Variants in MSN observed in about 807,000 individuals in gnomAD.
MSN encodes epididymis luminal protein 70.
A neutral mutation model predicts 48.0 loss-of-function variants in MSN; 2 were observed. The ratio of observed to expected loss-of-function variants is 0.04; its 90% CI spans 0.02 to 0.13. The LOEUF is 0.13. MSN is among the 10% of genes least tolerant of loss of function. MSN has a pLI of 1.00. For synonymous variants in MSN, 146 were observed against 166.9 expected, an observed-to-expected ratio of 0.87 and a Z score of 0.97; for missense variants, 267 against 470.1, an observed-to-expected ratio of 0.57 and a Z score of 3.99.
intron 1 of MSN, among the ~76,000 whole-genome samples, chrX:65,636,686 G>A (rs1464070992): frequency 5.5e-5 from 5 of 90,392 alleles, no homozygotes; most frequent in Admixed American, 1.3e-4. Flanking sequence ...GGCGGAAGCT[G>A]TAGTGAGCCG....
chrX:65,667,815 G>A lies in MSN; in HGVS notation c.-27G>A, dbSNP rs749265298. ...TGCCCGACAGTCCTAGCTAAACTTC[G>A]CCAACTCCGCTGCCTTTGCCGCCAC... On this transcript the variant is annotated 5_prime_UTR_variant, in exon 1 of 13. Coordinates refer to ENST00000360270, the MANE Select transcript of MSN (RefSeq NM_002444.3). 7.4e-6 allele frequency: 9 copies of A among 1,208,986 alleles called. No homozygotes were observed. Among genetic ancestry groups the A allele is most frequent in the South Asian group, 1.8e-5 (1 of 56,638 alleles).
chrX:65,739,810 C>T lies in MSN; in HGVS notation c.1651C>T (p.Leu551=). 8.3e-7 allele frequency: 1 copy of T among 1,211,593 alleles called. No homozygotes were observed. ...NDMIHAENMR[L]GRDKYKTLRQ... ...CATGATCCATGCTGAGAACATGCGA[C>T]TGGGCCGAGACAAATACAAGACCCT... is the stretch of plus-strand genomic sequence containing the variant. Residue 551 remains leucine (L), a synonymous_variant, in exon 13 of 13, where the codon CTG becomes TTG. Coordinates refer to ENST00000360270, the MANE Select transcript of MSN (RefSeq NM_002444.3).
Position 65,729,729 on chromosome X carries a change from C to T in MSN, c.467+17C>T. ...CCCGCAGAGGTGAGGTGGTTCCCTG[C>T]CCTCCTTTGCCTTGGCCATAAGGGG... On this transcript the variant is annotated intron_variant, in intron 4 of 12. Transcript: ENST00000360270. The T allele has an allele frequency of 4.2e-6, 5 of 1,202,159 alleles. No homozygotes were observed. The highest frequency in any genetic ancestry group is 5.6e-6 in the Non-Finnish European group (5 of 890,034).
chrX:65,606,829 C>A (rs760610695), intron 1 of MSN, among the ~76,000 whole-genome samples: 6 of 112,529 alleles, frequency 5.3e-5, no homozygotes, highest in Non-Finnish European at 1.1e-4. Context: ...AGTATTAATT[C>A]ATTTGCTTAT....
At chrX:65,731,699 A>G in intron 5 of MSN, 139 bp from the exon 6 acceptor site, 1 of 670,802 alleles carries the variant, frequency 1.5e-6, no homozygotes, top group Admixed American at 3.1e-5. Context: ...TCTGTTCTCC[A>G]TCATCTGCTT....
intron 1 of MSN, among the ~76,000 whole-genome samples, chrX:65,660,598 C>T (rs1351911899): frequency 3.4e-4 from 34 of 100,170 alleles, no homozygotes; most frequent in Admixed American, 2.3e-3. Context: ...GATGGAGTCT[C>T]GCTCTGTTGC....
At chrX:65,670,924 A>ATT (rs2070931619) in intron 1 of MSN, among the ~76,000 whole-genome samples, 2 of 55,822 alleles carry the variant, frequency 3.6e-5, no homozygotes, top group African/African-American at 1.3e-4. Context: ...ATATATATAT[A>ATT]TATATATATA....
chrX:65,682,385 T>C (rs2071065538), intron 1 of MSN, among the ~76,000 whole-genome samples: 1 of 112,359 alleles, frequency 8.9e-6, no homozygotes, highest in East Asian at 2.8e-4. Flanking sequence ...GTTTTTATTG[T>C]TGTTGTTGGG....
At chrX:65,638,617 C>T (rs1337580169) in intron 1 of MSN, among the ~76,000 whole-genome samples, 5 of 112,609 alleles carry the variant, frequency 4.4e-5, no homozygotes, top group East Asian at 5.6e-4. Flanking sequence ...TGCAGTGGCA[C>T]GATCTCAGCT....
At chrX:65,689,379 C>G (rs2071148944) in intron 1 of MSN, among the ~76,000 whole-genome samples, 1 of 111,651 alleles carries the variant, frequency 9.0e-6, no homozygotes, top group South Asian at 3.7e-4. Flanking sequence ...TGGAAGTGGT[C>G]AGCTGTGTCT....
intron 1 of MSN, chrX:65,588,993 C>G (rs1254757129): frequency 1.5e-5 from 2 of 137,927 alleles, no homozygotes; most frequent in African/African-American, 6.4e-5. Flanking sequence ...GTGCCCAGGA[C>G]CAGGTGCCAG....
intron 1 of MSN, among the ~76,000 whole-genome samples, chrX:65,686,485 G>A (rs2071116424): frequency 8.9e-6 from 1 of 112,964 alleles, no homozygotes; most frequent in African/African-American, 3.2e-5. Flanking sequence ...TTAGTGATTG[G>A]CACTTTCAGG....
intron 1 of MSN, among the ~76,000 whole-genome samples, chrX:65,706,764 T>A (rs1478327161): frequency 8.9e-6 from 1 of 111,819 alleles, no homozygotes; most frequent in African/African-American, 3.3e-5. Context: ...AGTGAGACTG[T>A]GTGTGATGAG....
chrX:65,641,550 GTATATA>G (rs1168302693), intron 1 of MSN, among the ~76,000 whole-genome samples: 537 of 15,331 alleles, frequency 0.035, 29 homozygotes, highest in East Asian at 0.12. Context: ...AAAAAGTGAA[GTATATA>G]TATATATATA....
chrX:65,679,345 T>C (rs900685060), intron 1 of MSN, among the ~76,000 whole-genome samples: 39 of 112,099 alleles, frequency 3.5e-4, no homozygotes, highest in Non-Finnish European at 1.1e-4. Flanking sequence ...GGCTATGAAA[T>C]TGCTTTTGAC....
In MSN at chrX:65,737,204, C is replaced by G; in HGVS notation, c.1117C>G (p.Leu373Val). Residue 373 changes from leucine (L) to valine (V), a missense_variant, in exon 10 of 13, where the codon CTG becomes GTG. This residue lies in a region of MSN where 70 missense variants were observed against 76.3 expected (regional missense o/e 0.92). Transcript: ENST00000360270. ...QELEEQTRRALELEQERKRAQ... is the reference protein window; with the variant it reads ...QELEEQTRRAVELEQERKRAQ... Reference sequence around the variant, plus strand: ...ACTGGAAGAACAGACCCGTAGGGCTCTGGAACTTGAGCAGGAACGGAAGCG... The same window carrying G: ...ACTGGAAGAACAGACCCGTAGGGCTGTGGAACTTGAGCAGGAACGGAAGCG... The G allele has an allele frequency of 8.3e-7, 1 of 1,207,178 alleles. No individual in the cohort carries two copies. Among genetic ancestry groups the G allele is most frequent in the Non-Finnish European group, 1.1e-6 (1 of 893,305 alleles).
intron 4 of MSN, among the ~76,000 whole-genome samples, chrX:65,730,806 A>G (rs941874745): frequency 1.8e-5 from 2 of 111,605 alleles, no homozygotes; most frequent in South Asian, 7.5e-4. Flanking sequence ...AACTCCTGAC[A>G]CATTACTGCT....
At chrX:65,737,922 G>A (rs958295247) in intron 10 of MSN, among the ~76,000 whole-genome samples, 18 of 112,118 alleles carry the variant, frequency 1.6e-4, no homozygotes, top group Non-Finnish European at 2.8e-4. Flanking sequence ...CAGTTTCCAA[G>A]GGTTCTGTGA....
intron 2 of MSN, among the ~76,000 whole-genome samples, chrX:65,723,931 T>C (rs2071540970): frequency 9.0e-6 from 1 of 111,150 alleles, no homozygotes; most frequent in Non-Finnish European, 1.9e-5. Flanking sequence ...CCCTAGAGCC[T>C]AAGGAAGTGG....
Sources: allele counts gnomAD v4.1 joint callset (sites outside exome capture counted in the v4.1 genomes callset), GRCh38; gene constraint gnomAD v4.1.1; regional missense constraint gnomAD v4.1.1; transcripts MANE v1.5; gene names NCBI Gene and HGNC (gene_info 2026-07-23, HGNC 2026-07-21).